Variants in KLF13 observed in about 807,000 individuals in gnomAD.
The protein encoded by KLF13 is KLF transcription factor 13.
A neutral mutation model predicts 16.7 loss-of-function variants in KLF13; 8 were observed. The ratio of observed to expected loss-of-function variants is 0.48; its 90% CI spans 0.28 to 0.87. The LOEUF (loss-of-function observed/expected upper bound fraction) is 0.87, where lower values mean the gene tolerates loss of function less well. Among genes scored for constraint, KLF13 ranks in the 40% least tolerant of loss-of-function variants. KLF13 has a pLI of 0.10. For synonymous variants in KLF13, 245 were observed against 208.4 expected (o/e 1.18, Z -1.51); for missense variants, 447 against 452.2 (o/e 0.99, Z 0.10).
intron 2 of KLF13, among the ~76,000 whole-genome samples, chr15:31,402,481 T>C (rs2040051428): frequency 6.6e-6 from 1 of 152,180 alleles, no homozygotes; most frequent in Non-Finnish European, 1.5e-5. Flanking sequence ...ACAGTTCCAT[T>C]CAGGAAACAT....
chr15:31,361,299 C>G (rs1429974340), intron 1 of KLF13, among the ~76,000 whole-genome samples: 2 of 152,090 alleles, frequency 1.3e-5, no homozygotes, highest in African/African-American at 4.8e-5. Context: ...TGTCTTTCTT[C>G]CCGGTGTAGC....
chr15:31,329,873 A>G (rs1044103240), intron 1 of KLF13, among the ~76,000 whole-genome samples: 2 of 151,976 alleles, frequency 1.3e-5, no homozygotes, highest in African/African-American at 4.8e-5. Flanking sequence ...GGTGGCGGGG[A>G]GTTGGGAAGA....
intron 1 of KLF13, among the ~76,000 whole-genome samples, chr15:31,410,357 AAAACAGG>A (rs2040177400): frequency 6.6e-6 from 1 of 152,136 alleles, no homozygotes; most frequent in Non-Finnish European, 1.5e-5. Context: ...GACCAAAAAG[AAAACAGG>A]TAGCAAGATG....
At chr15:31,424,875 T>TCACACACACACACACA (rs71110875) in intron 1 of KLF13, among the ~76,000 whole-genome samples, 2,898 of 146,240 alleles carry the variant, frequency 0.02, 111 homozygotes, top group African/African-American at 0.068. Flanking sequence ...TCTAGAGATT[T>TCACACACACACACACA]CACACACACA....
downstream of KLF13, among the ~76,000 whole-genome samples, chr15:31,382,043 ATGG>A (rs746118354): frequency 8.5e-5 from 13 of 152,194 alleles, no homozygotes; most frequent in Non-Finnish European, 1.6e-4. Context: ...GTGTGGGGTC[ATGG>A]TGAAGTTCCC....
intron 2 of KLF13, among the ~76,000 whole-genome samples, chr15:31,400,750 A>T (rs2040022632): frequency 6.6e-6 from 1 of 152,098 alleles, no homozygotes; most frequent in African/African-American, 2.4e-5. Flanking sequence ...GGAAGCCGAG[A>T]GACCAGGCAG....
At chr15:31,414,989 G>A (rs1172262011) in intron 1 of KLF13, among the ~76,000 whole-genome samples, 2 of 152,244 alleles carry the variant, frequency 1.3e-5, no homozygotes, top group East Asian at 3.9e-4. Context: ...TGAATGTCTT[G>A]GTGCTATCCT....
At chr15:31,346,362 C>T (rs2039117165) in intron 1 of KLF13, among the ~76,000 whole-genome samples, 1 of 152,338 alleles carries the variant, frequency 6.6e-6, no homozygotes, top group African/African-American at 2.4e-5. Context: ...TGTCCTTCCC[C>T]TTCTGGACTA....
chr15:31,344,426 T>TGCCAGACACCAAC (rs1566808254), intron 1 of KLF13, among the ~76,000 whole-genome samples: 1 of 151,836 alleles, frequency 6.6e-6, no homozygotes, highest in Non-Finnish European at 1.5e-5. Flanking sequence ...GTGGCAGGGG[T>TGCCAGACACCAAC]GCCAGGAATC....
intron 1 of KLF13, among the ~76,000 whole-genome samples, chr15:31,339,390 G>C (rs1325376729): frequency 6.6e-6 from 1 of 152,132 alleles, no homozygotes; most frequent in African/African-American, 2.4e-5. Context: ...TTAGACGGTG[G>C]CAAGGCCCTG....
chr15:31,405,592 G>A (rs1013277954), downstream of KLF13, among the ~76,000 whole-genome samples: 2 of 152,180 alleles, frequency 1.3e-5, no homozygotes, highest in African/African-American at 4.8e-5. Flanking sequence ...TTAGGAGGAG[G>A]GTTAGTATAT....
chr15:31,418,090 G>T lies in KLF13; in HGVS notation n.118-17280G>T, dbSNP rs568473011. Among the ~76,000 whole-genome samples, 4 of 152,184 alleles carry T rather than the reference G, an allele frequency of 2.6e-5. No individual in the cohort carries two copies. In the South Asian group the frequency reaches 8.3e-4, roughly 32 times the overall value. ...TATAAAAAGACAAAATAGAGCCTATGACAGAGCTTTACTTCTAAGTAACTC... is the reference window on the plus strand; with the variant it reads ...TATAAAAAGACAAAATAGAGCCTATTACAGAGCTTTACTTCTAAGTAACTC... On this transcript the variant is annotated intron_variant and non_coding_transcript_variant, in intron 1 of 1. Coordinates refer to the KLF13 transcript ENST00000558225.
chr15:31,381,838 G>T (rs756542994), downstream of KLF13, among the ~76,000 whole-genome samples: 2 of 152,196 alleles, frequency 1.3e-5, no homozygotes, highest in Non-Finnish European at 2.9e-5. Flanking sequence ...CTTAAAAGCC[G>T]ATCAGTTCTT....
intron 1 of KLF13, among the ~76,000 whole-genome samples, chr15:31,365,531 A>G (rs2039453600): frequency 6.9e-6 from 1 of 145,260 alleles, no homozygotes; most frequent in East Asian, 2.1e-4. Flanking sequence ...AAAAATGACC[A>G]CTCAACAGGC....
In KLF13 at chr15:31,343,590, C is replaced by T. The variant is rs142822454; in HGVS notation, c.577+15801C>T. On this transcript the variant is annotated intron_variant, in intron 1 of 1. Transcript: ENST00000307145. ...GCAGAGTCTGTGTGCCCACCCATGC[C>T]GTCAGTCTCCTGAACCGCAGGAGCA... is the stretch of plus-strand genomic sequence containing the variant. 1.6e-4 allele frequency among the ~76,000 whole-genome samples: 25 copies of T among 152,306 alleles called. No individual in the cohort carries two copies. In the East Asian group the frequency reaches 4.8e-3, roughly 29 times the overall value.
intron 1 of KLF13, among the ~76,000 whole-genome samples, chr15:31,371,433 T>C (rs1464090682): frequency 1.3e-5 from 2 of 152,246 alleles, no homozygotes; most frequent in East Asian, 3.8e-4. Flanking sequence ...TTTGGGACTT[T>C]TGTGAGAGAA....
At chr15:31,407,321 G>T (rs1029421280), downstream of KLF13, among the ~76,000 whole-genome samples, 2 of 152,020 alleles carry the variant, frequency 1.3e-5, no homozygotes, top group East Asian at 1.9e-4. Context: ...CTATAAAAAA[G>T]AAGTAAAAAG....
intron 1 of KLF13, among the ~76,000 whole-genome samples, chr15:31,331,677 C>G (rs982164589): frequency 1.3e-5 from 2 of 152,200 alleles, no homozygotes; most frequent in Admixed American, 1.3e-4. Flanking sequence ...ACCCCTCCCT[C>G]TCGTACCCTC....
chr15:31,389,687 TC>T (rs2039835781), upstream of KLF13, among the ~76,000 whole-genome samples: 1 of 152,166 alleles, frequency 6.6e-6, no homozygotes, highest in Non-Finnish European at 1.5e-5. Flanking sequence ...CACAACACCA[TC>T]CTCCTCAGCC....
Sources: gnomAD v4.1 joint callset for allele counts (sites outside exome capture counted in the v4.1 genomes callset) on GRCh38, gnomAD v4.1.1 for gene constraint, MANE v1.5 for transcripts, NCBI Gene and HGNC (gene_info 2026-07-23, HGNC 2026-07-21) for gene names.